ZNF474: variants seen among roughly 807,000 people sequenced by gnomAD.
ZNF474 encodes the protein zinc finger protein 474, also known as 4933409D10Rik.
For synonymous variants in ZNF474, 192 were observed against 162.2 expected (o/e 1.18, Z -1.39); for missense variants, 511 against 433.8 (o/e 1.18, Z -1.58).
intron 1 of ZNF474, among the ~76,000 whole-genome samples, chr5:122,130,940 T>A (rs1422865265): frequency 4.6e-5 from 7 of 152,094 alleles, no homozygotes; most frequent in Admixed American, 3.9e-4. Flanking sequence ...GTACATTAGG[T>A]TTCTAGCATT....
chr5:122,151,709 G>GTC, intron 1 of ZNF474, 70 bp from the exon 2 acceptor site: 1 of 155,604 alleles, frequency 6.4e-6, no homozygotes, highest in Non-Finnish European at 1.1e-5. Context: ...ACCTAAATGT[G>GTC]TGTGTGTGTG....
In ZNF474 at chr5:122,152,748, G is replaced by A. The variant is rs201335566; in HGVS notation, c.758G>A (p.Arg253Gln). Residue 253 changes from arginine to glutamine, a missense_variant, in exon 2 of 2, where the codon CGG (arginine) becomes CAG (glutamine). Transcript: ENST00000296600. ...GAAAAGTGGAAAATGGAAAATGACC[G>A]GCTCCCTGTGGAGCTCCACCAGCCA... The part of the protein sequence containing the change: ...CLEKWKMEND[R>Q]LPVELHQPLP... 5.1e-4 allele frequency: 830 copies of A among 1,613,922 alleles called. 2 individuals are homozygous for A. Among genetic ancestry groups the A allele is most frequent in the East Asian group, 2.9e-3 (129 of 44,874 alleles).
intron 1 of ZNF474, among the ~76,000 whole-genome samples, chr5:122,149,306 A>C (rs914437325): frequency 2.6e-5 from 4 of 152,168 alleles, no homozygotes; most frequent in African/African-American, 9.7e-5. Context: ...GAAGAAAAAA[A>C]GTCCCCTGTC....
chr5:122,131,624 A>C (rs543778874), intron 1 of ZNF474, among the ~76,000 whole-genome samples: 4 of 152,080 alleles, frequency 2.6e-5, no homozygotes, highest in African/African-American at 4.8e-5. Flanking sequence ...CACAAGTCTT[A>C]TTAGATATAT....
In ZNF474 at chr5:122,132,447, T is replaced by C. The variant is rs548236587; in HGVS notation, c.-213+2764T>C. Among the ~76,000 whole-genome samples the C allele has an allele frequency of 3.3e-5, 5 of 152,184 alleles. No homozygotes were observed. The East Asian group carries it at 9.6e-4, about 29-fold the overall frequency. On this transcript the variant is annotated intron_variant, in intron 1 of 1. Transcript: ENST00000296600. ...ATGTCTTGCAAACAGTTCTTCCCAATCTATGTCTTGCCTTTTAATTTTCTT... is the reference window on the plus strand; with the variant it reads ...ATGTCTTGCAAACAGTTCTTCCCAACCTATGTCTTGCCTTTTAATTTTCTT...
chr5:122,133,994 A>G (rs1312458471), intron 1 of ZNF474, among the ~76,000 whole-genome samples: 3 of 152,116 alleles, frequency 2.0e-5, no homozygotes, highest in African/African-American at 7.2e-5. Context: ...ATTTTAACTC[A>G]TTTTCCCAGA....
chr5:122,129,920 A>G (rs1755538855), intron 1 of ZNF474, among the ~76,000 whole-genome samples: 1 of 152,232 alleles, frequency 6.6e-6, no homozygotes, highest in Non-Finnish European at 1.5e-5. Context: ...ACTAAACAAA[A>G]CAATAAATGT....
chr5:122,142,566 A>G (rs975339432), intron 1 of ZNF474, among the ~76,000 whole-genome samples: 6 of 152,176 alleles, frequency 3.9e-5, no homozygotes, highest in African/African-American at 1.2e-4. Flanking sequence ...CGTTTCCCCT[A>G]GACACCAGGC....
intron 1 of ZNF474, among the ~76,000 whole-genome samples, chr5:122,146,465 G>A (rs1031082450): frequency 6.6e-6 from 1 of 151,912 alleles, no homozygotes; most frequent in Non-Finnish European, 1.5e-5. Flanking sequence ...TTAAATTTCT[G>A]ATTTTTAAGA....
intron 1 of ZNF474, among the ~76,000 whole-genome samples, chr5:122,135,885 A>G (rs910843224): frequency 2.0e-5 from 3 of 152,132 alleles, no homozygotes; most frequent in Non-Finnish European, 4.4e-5. Flanking sequence ...GAAATAAGCT[A>G]AGCACAGAAG....
chr5:122,144,999 A>T (rs1247905961), intron 1 of ZNF474, among the ~76,000 whole-genome samples: 2 of 152,258 alleles, frequency 1.3e-5, no homozygotes, highest in Non-Finnish European at 2.9e-5. Flanking sequence ...CCTTAACAAC[A>T]TAAAATGCCT....
At chr5:122,143,951 T>C (rs1237653291) in intron 1 of ZNF474, among the ~76,000 whole-genome samples, 3 of 152,150 alleles carry the variant, frequency 2.0e-5, no homozygotes, top group Non-Finnish European at 4.4e-5. Context: ...CACAATTTTG[T>C]CTGTTTGTGT....
At chr5:122,132,920 A>G (rs1338321444) in intron 1 of ZNF474, among the ~76,000 whole-genome samples, 4 of 152,206 alleles carry the variant, frequency 2.6e-5, no homozygotes, top group Admixed American at 6.5e-5. Flanking sequence ...GCAAGTATTC[A>G]GAATAAATAT....
At chr5:122,139,043 A>G (rs1206128976) in intron 1 of ZNF474, among the ~76,000 whole-genome samples, 1 of 152,240 alleles carries the variant, frequency 6.6e-6, no homozygotes, top group Admixed American at 6.5e-5. Flanking sequence ...ACTCAAAAGT[A>G]CTAAATGATT....
intron 1 of ZNF474, among the ~76,000 whole-genome samples, chr5:122,137,569 T>C (rs1279641561): frequency 6.6e-6 from 1 of 150,960 alleles, no homozygotes; most frequent in Non-Finnish European, 1.5e-5. Context: ...AGGAAGATTC[T>C]AGGCAATGGC....
intron 1 of ZNF474, among the ~76,000 whole-genome samples, chr5:122,145,677 G>A (rs911207070): frequency 8.5e-5 from 13 of 152,160 alleles, no homozygotes; most frequent in African/African-American, 3.1e-4. Context: ...AAAGCACTGC[G>A]ATAGTGTAAA....
intron 1 of ZNF474, among the ~76,000 whole-genome samples, chr5:122,130,716 G>A (rs1755555666): frequency 6.6e-6 from 1 of 151,978 alleles, no homozygotes; most frequent in Non-Finnish European, 1.5e-5. Context: ...AGGTATGACT[G>A]ACAAATAAAA....
intron 1 of ZNF474, among the ~76,000 whole-genome samples, chr5:122,145,670 G>T (rs1293512076): frequency 2.6e-5 from 4 of 152,178 alleles, no homozygotes; most frequent in Non-Finnish European, 5.9e-5. Flanking sequence ...AGCTCTTAAA[G>T]CACTGCGATA....
At chr5:122,132,658 T>C (rs556606953) in intron 1 of ZNF474, among the ~76,000 whole-genome samples, 2 of 152,302 alleles carry the variant, frequency 1.3e-5, no homozygotes, top group Admixed American at 1.3e-4. Flanking sequence ...CTTGAGTTAA[T>C]TTTTGTGTGT....
Sources: gnomAD v4.1 joint callset for allele counts (sites outside exome capture counted in the v4.1 genomes callset) on GRCh38, gnomAD v4.1.1 for gene constraint, MANE v1.5 for transcripts, NCBI Gene and HGNC (gene_info 2026-07-23, HGNC 2026-07-21) for gene names.